Variants in NAV2 observed in about 807,000 individuals in gnomAD.
NAV2 encodes the protein neuron navigator 2.
Under a neutral mutation model 223.2 loss-of-function variants are expected in NAV2, and 54 were observed. The ratio of observed to expected loss-of-function variants is 0.24; its 90% CI spans 0.19 to 0.30. NAV2 has a LOEUF of 0.30. Ranked by LOEUF, NAV2 falls within the 10% of genes least tolerant of loss-of-function variation. The pLI is 1.00. For synonymous variants in NAV2, 1,279 were observed against 1,239.3 expected (o/e 1.03, Z -0.67); for missense variants, 2,806 against 3,147.5 (o/e 0.89, Z 2.60).
chr11:19,349,679 A>T (rs75703924), upstream of NAV2, among the ~76,000 whole-genome samples: 2,919 of 152,200 alleles, frequency 0.019, 82 homozygotes, highest in African/African-American at 0.067. Flanking sequence ...GGGAGGAGGC[A>T]TTCATAATTA....
intron 1 of NAV2, among the ~76,000 whole-genome samples, chr11:19,569,832 G>A (rs765605227): frequency 7.9e-5 from 12 of 152,152 alleles, no homozygotes; most frequent in Non-Finnish European, 1.6e-4. Context: ...GAGATGAAAT[G>A]GCTCATGGAG....
chr11:19,977,797 T>C lies in NAV2; in HGVS notation c.2646-6328T>C, dbSNP rs560196799. 6.9e-5 allele frequency among the ~76,000 whole-genome samples: 10 copies of C among 145,184 alleles called. No individual in the cohort carries two copies. The South Asian group carries it at 1.9e-3, about 28-fold the overall frequency. On this transcript the variant is annotated intron_variant, in intron 10 of 37. Coordinates refer to ENST00000349880, the MANE Select transcript of NAV2 (RefSeq NM_145117.5). ...TTCTTTTCAGAGAGGTCAACTTTTT[T>C]CTTTTTTTTTTTTTTTTTTTTTTTG... is the stretch of plus-strand genomic sequence containing the variant.
intron 10 of NAV2, among the ~76,000 whole-genome samples, chr11:19,957,722 T>C (rs1240193803): frequency 3.9e-5 from 6 of 152,182 alleles, no homozygotes; most frequent in Non-Finnish European, 5.9e-5. Flanking sequence ...AGCACTCCCA[T>C]GCGCACTCTG....
chr11:19,952,903 G>A (rs1005482156), intron 10 of NAV2, among the ~76,000 whole-genome samples: 4 of 152,062 alleles, frequency 2.6e-5, no homozygotes, highest in Non-Finnish European at 5.9e-5. Flanking sequence ...GTATATACCA[G>A]GCATGTCTAA....
chr11:19,548,244 C>T (rs1387407164), intron 1 of NAV2, among the ~76,000 whole-genome samples: 1 of 152,174 alleles, frequency 6.6e-6, no homozygotes, highest in Non-Finnish European at 1.5e-5. Flanking sequence ...AAGCAAAACC[C>T]TGAAACAGCA....
intron 1 of NAV2, among the ~76,000 whole-genome samples, chr11:19,698,869 G>C (rs1295373179): frequency 6.6e-6 from 1 of 152,186 alleles, no homozygotes; most frequent in Non-Finnish European, 1.5e-5. Context: ...TAAGAAAAAG[G>C]AGAAGGAGGG....
Position 19,973,298 on chromosome 11 carries a change from T to A in NAV2, c.2646-10827T>A, listed in dbSNP as rs980714197. On this transcript the variant is annotated intron_variant, in intron 10 of 37. Transcript: ENST00000349880. Reference sequence around the variant, plus strand: ...CTCTAGTCATCTTCCAAAGGGAACATACAATCCTCAAAGCCAACAAAAATT... The same window carrying A: ...CTCTAGTCATCTTCCAAAGGGAACAAACAATCCTCAAAGCCAACAAAAATT... 3.3e-5 allele frequency among the ~76,000 whole-genome samples: 5 copies of A among 152,204 alleles called. No individual in the cohort carries two copies. In the South Asian group the frequency reaches 1.0e-3, roughly 32 times the overall value.
chr11:19,448,222 G>T (rs1851659249), intron 1 of NAV2, among the ~76,000 whole-genome samples: 1 of 151,632 alleles, frequency 6.6e-6, no homozygotes, highest in Non-Finnish European at 1.5e-5. Context: ...GGCCAGCCCT[G>T]GGAGGTGGCG....
At position 20,101,108 on chromosome 11, in the gene NAV2, G is replaced by A. The variant is rs1204152664; in HGVS notation, c.6353G>A (p.Arg2118Gln). ...ANRLSEYIVLREGRELTDGVI... is the reference protein window; with the variant it reads ...ANRLSEYIVLQEGRELTDGVI... The stretch of plus-strand genomic sequence containing the variant: ...CGGCTGTCTGAGTATATAGTGCTTC[G>A]AGAGGGACGGGAGTTGACAGACGGG... The change falls in exon 32 of 38, where the codon CGA (arginine) becomes CAA (glutamine). Residue 2118 changes from arginine (R) to glutamine (Q), a missense_variant. Arg to Gln is a conservative substitution (Grantham distance 43). Coordinates refer to ENST00000349880, the MANE Select transcript of NAV2 (RefSeq NM_145117.5). The A allele has an allele frequency of 2.5e-6, 4 of 1,614,170 alleles. No individual in the cohort carries two copies. The highest frequency in any genetic ancestry group is 1.7e-6 in the Non-Finnish European group (2 of 1,180,038).
rs759031123 is a variant in NAV2, at chr11:19,933,661, C to T, written c.1417C>T (p.Arg473Trp). The change falls in exon 7 of 38, where the codon CGG (arginine) becomes TGG (tryptophan). Residue 473 changes from arginine (R) to tryptophan (W), a missense_variant. By Grantham distance (101) the Arg-to-Trp change is moderately radical (BLOSUM62 -3). Transcript: ENST00000349880. The surrounding 1 kb of genome is among the most constrained non-coding windows in gnomAD (Gnocchi z 4.3). ...LKGIAQRTFS[R>W]ALTNKKSSLK... ...GGGCATTGCCCAGAGGACTTTTAGC[C>T]GGGCACTGACCAACAAGAAGAGTTC... is the stretch of plus-strand genomic sequence containing the variant. 12 of 1,614,096 alleles carry T rather than the reference C, an allele frequency of 7.4e-6. No individual in the cohort carries two copies. The highest frequency in any genetic ancestry group is 1.1e-5 in the South Asian group (1 of 91,066).
intron 1 of NAV2, among the ~76,000 whole-genome samples, chr11:19,517,901 A>G (rs777318340): frequency 6.6e-6 from 1 of 152,268 alleles, no homozygotes; most frequent in Non-Finnish European, 1.5e-5. Context: ...TTGCATTAAG[A>G]TGGAGGTGTA....
intron 1 of NAV2, among the ~76,000 whole-genome samples, chr11:19,739,249 G>A (rs945986732): frequency 1.3e-5 from 2 of 152,180 alleles, no homozygotes; most frequent in African/African-American, 4.8e-5. Flanking sequence ...AACTTGGTCA[G>A]TAAAATTTAA....
rs2057731276 is a variant in NAV2, at chr11:20,049,091, G to C, written c.4266G>C (p.Gly1422=). ...ESIDISLSSG[G]VPSHNSSTGL... ...TCGACATCTCCCTCAGCAGTGGAGG[G>C]GTCCCCAGCCACAATTCTTCCACTG... The change falls in exon 15 of 38, where the codon GGG becomes GGC. Residue 1422 remains glycine (G), a synonymous_variant. Coordinates refer to ENST00000349880, the MANE Select transcript of NAV2 (RefSeq NM_145117.5). 1.2e-6 allele frequency: 2 copies of C among 1,614,006 alleles called. No individual in the cohort carries two copies. The highest frequency in any genetic ancestry group is 1.3e-5 in the African/African-American group (1 of 74,976).
intron 1 of NAV2, among the ~76,000 whole-genome samples, chr11:19,456,016 G>A (rs1851946901): frequency 6.6e-6 from 1 of 152,190 alleles, no homozygotes; most frequent in Admixed American, 6.5e-5. Flanking sequence ...GAGGGAAGGA[G>A]GCCAAGCCAG....
At chr11:19,510,815 T>C (rs2043256137) in intron 1 of NAV2, 1 of 152,202 alleles carries the variant, frequency 6.6e-6, no homozygotes, top group African/African-American at 2.4e-5. Flanking sequence ...GTCTCTTGAG[T>C]TATCCTTGGC....
intron 11 of NAV2, among the ~76,000 whole-genome samples, chr11:20,017,851 A>G (rs1255345301): frequency 6.6e-6 from 1 of 152,188 alleles, no homozygotes; most frequent in African/African-American, 2.4e-5. Flanking sequence ...AGGCAATGTG[A>G]TGTGTGTCAC....
rs1358908050 is a variant in NAV2 at position 19,998,084 on chromosome 11, A to G, written c.2768+13837A>G. 2.6e-5 allele frequency among the ~76,000 whole-genome samples: 4 copies of G among 152,144 alleles called. No homozygotes were observed. Among genetic ancestry groups the G allele is most frequent in the Non-Finnish European group, 5.9e-5 (4 of 68,024 alleles). The stretch of plus-strand genomic sequence containing the variant: ...TTTTCTCAGCATTCCCAGGCTTTGC[A>G]CAGAGCTGGGCATATACAGTAGGAG... On this transcript the variant is annotated intron_variant, in intron 11 of 37. Transcript: ENST00000349880. This position sits in a 1 kb window ranked among gnomAD's most constrained non-coding sequence, Gnocchi z 5.0.
intron 4 of NAV2, among the ~76,000 whole-genome samples, chr11:19,877,691 C>T (rs550840842): frequency 8.5e-5 from 13 of 152,056 alleles, no homozygotes; most frequent in African/African-American, 3.1e-4. Context: ...CCAGGATGGT[C>T]TCAATCTCCT....
intron 1 of NAV2, among the ~76,000 whole-genome samples, chr11:19,641,704 T>A (rs1379962744): frequency 1.3e-5 from 2 of 151,924 alleles, no homozygotes; most frequent in Non-Finnish European, 2.9e-5. Context: ...CTGCTCTTCC[T>A]ATGGTGACTC....
Sources: allele counts gnomAD v4.1 joint callset (sites outside exome capture counted in the v4.1 genomes callset), GRCh38; gene constraint gnomAD v4.1.1; non-coding constraint Gnocchi (gnomAD v3.1); transcripts MANE v1.5; gene names NCBI Gene and HGNC (gene_info 2026-07-23, HGNC 2026-07-21).